The following HLF variants were observed in gnomAD, a reference collection of about 807,000 sequenced individuals.
The protein encoded by HLF is hepatic leukemia factor.
HLF carries 3 observed loss-of-function variants against 22.6 expected under a neutral mutation model. The observed-to-expected ratio is 0.13, with a 90% CI of 0.06 to 0.34. HLF has a LOEUF of 0.34. HLF is among the 10% of genes least tolerant of loss of function. The probability of loss-of-function intolerance (pLI) is 1.00; values close to 1 mark genes in which losing one functional copy is unlikely to be tolerated. For synonymous variants in HLF, 151 were observed against 151.8 expected (o/e 0.99, Z 0.04); for missense variants, 299 against 389.2 (o/e 0.77, Z 1.95).
chr17:55,297,042 G>A (rs2081117208), intron 2 of HLF, among the ~76,000 whole-genome samples: 1 of 152,150 alleles, frequency 6.6e-6, no homozygotes, highest in Non-Finnish European at 1.5e-5. Context: ...TGATGCCTGG[G>A]TCATGTCCTT....
Position 55,324,132 on chromosome 17 carries a change from A to C in HLF, c.*3253A>C, listed in dbSNP as rs2145385403. 4.4e-6 allele frequency: 1 copy of C among 226,162 alleles called. No individual in the cohort carries two copies. Among genetic ancestry groups the C allele is most frequent in the African/African-American group, 2.2e-5 (1 of 45,072 alleles). 14.0% of individuals were successfully genotyped at this position (226,162 alleles called of 1,614,324 possible). A position where few individuals can be genotyped will look rare whatever the true frequency, so the allele number is the denominator to read the frequency against. On this transcript the variant is annotated 3_prime_UTR_variant, in exon 4 of 4. Transcript: ENST00000226067. ...ATACCACATTAGGCAAGACTGTGAT[A>C]GGCCTTTTGTCTTCAAATACAACAG... is the stretch of plus-strand genomic sequence containing the variant.
At chr17:55,279,519 A>G (rs995867666) in intron 2 of HLF, among the ~76,000 whole-genome samples, 1 of 152,254 alleles carries the variant, frequency 6.6e-6, no homozygotes, top group African/African-American at 2.4e-5. Flanking sequence ...AGATCACTTG[A>G]GGCCAAGAGT....
At chr17:55,280,056 A>G (rs1655934891) in intron 2 of HLF, among the ~76,000 whole-genome samples, 1 of 152,206 alleles carries the variant, frequency 6.6e-6, no homozygotes, top group South Asian at 2.1e-4. Flanking sequence ...TGGAGAAGTA[A>G]ATGAGATGAT....
intron 2 of HLF, among the ~76,000 whole-genome samples, chr17:55,299,254 T>C (rs1391113003): frequency 6.6e-6 from 1 of 152,214 alleles, no homozygotes; most frequent in Non-Finnish European, 1.5e-5. Context: ...TAGCATACAC[T>C]TCCAGGCAAC....
intron 1 of HLF, 84 bp downstream of exon 1, chr17:55,265,683 C>G: frequency 8.9e-7 from 1 of 1,122,556 alleles, no homozygotes; most frequent in Non-Finnish European, 1.2e-6. Flanking sequence ...GCTGGAGCAT[C>G]CCCCAACCCC....
intron 1 of HLF, 55 bp from the exon 2 acceptor site, chr17:55,267,696 T>G: frequency 1.7e-6 from 2 of 1,211,842 alleles, no homozygotes; most frequent in Non-Finnish European, 2.3e-6. Flanking sequence ...AAAAGAGCGG[T>G]ATTGTTTTTC....
chr17:55,303,503 G>A (rs1055072431), intron 2 of HLF, among the ~76,000 whole-genome samples: 13 of 152,178 alleles, frequency 8.5e-5, no homozygotes, highest in Non-Finnish European at 1.5e-4. Flanking sequence ...AGGTGATAGG[G>A]CTCATTGTCC....
intron 2 of HLF, among the ~76,000 whole-genome samples, chr17:55,279,026 C>A (rs2080930451): frequency 6.6e-6 from 1 of 152,150 alleles, no homozygotes; most frequent in Non-Finnish European, 1.5e-5. Flanking sequence ...TCATAAAATT[C>A]ATTTCATTAT....
At chr17:55,271,279 T>G (rs1382659334) in intron 2 of HLF, among the ~76,000 whole-genome samples, 1 of 152,240 alleles carries the variant, frequency 6.6e-6, no homozygotes, top group Non-Finnish European at 1.5e-5. Context: ...ATTATACACT[T>G]TAGTTAATAA....
intron 2 of HLF, among the ~76,000 whole-genome samples, chr17:55,312,285 A>G (rs1313613440): frequency 6.6e-6 from 1 of 152,248 alleles, no homozygotes; most frequent in African/African-American, 2.4e-5. Flanking sequence ...TCCCACCAAC[A>G]GTATATGAAT....
intron 2 of HLF, among the ~76,000 whole-genome samples, chr17:55,307,185 G>C (rs1904618263): frequency 7.8e-6 from 1 of 128,140 alleles, no homozygotes; most frequent in South Asian, 2.7e-4. Flanking sequence ...ACGGAGTCTG[G>C]TTCTGTCACC....
At chr17:55,296,460 A>G (rs1385051072) in intron 2 of HLF, among the ~76,000 whole-genome samples, 3 of 152,126 alleles carry the variant, frequency 2.0e-5, no homozygotes, top group Non-Finnish European at 4.4e-5. Context: ...ATACATATAT[A>G]TGGGGGTGGG....
chr17:55,315,276 C>A lies in HLF; in HGVS notation c.501C>A (p.Asp167Glu), dbSNP rs1473490530. 3 of 1,614,076 alleles carry A rather than the reference C, an allele frequency of 1.9e-6. No homozygotes were observed. Among genetic ancestry groups the A allele is most frequent in the Non-Finnish European group, 2.5e-6 (3 of 1,180,016 alleles). Residue 167 changes from aspartate to glutamate, a missense_variant, in exon 3 of 4, where the codon GAC becomes GAA. Asp to Glu is a conservative substitution (Grantham distance 45, BLOSUM62 2). Transcript: ENST00000226067. ...ATACACCAAGTCCCATTGATCCTGA[C>A]ACCATCCAGGTCCCAGTGGGTTATG... ...NRNTPSPIDP[D>E]TIQVPVGYEP...
At chr17:55,286,825 C>G (rs1027659866) in intron 2 of HLF, among the ~76,000 whole-genome samples, 8 of 152,158 alleles carry the variant, frequency 5.3e-5, no homozygotes, top group Non-Finnish European at 1.2e-4. Flanking sequence ...CTTACAGAAA[C>G]TTTTCCAGCT....
At chr17:55,289,485 T>G (rs2081038949) in intron 2 of HLF, among the ~76,000 whole-genome samples, 1 of 152,226 alleles carries the variant, frequency 6.6e-6, no homozygotes, top group African/African-American at 2.4e-5. Context: ...CAGTTTAGTG[T>G]GCCTCAGTTT....
chr17:55,279,212 T>C (rs1457891683), intron 2 of HLF, among the ~76,000 whole-genome samples: 1 of 152,186 alleles, frequency 6.6e-6, no homozygotes, highest in East Asian at 1.9e-4. Context: ...TACCCAAACA[T>C]AGTAGGCCAG....
chr17:55,275,243 G>A (rs2080894955), intron 2 of HLF, among the ~76,000 whole-genome samples: 1 of 152,056 alleles, frequency 6.6e-6, no homozygotes, highest in East Asian at 1.9e-4. Flanking sequence ...CTACAGGCAT[G>A]CACCACCACA....
intron 2 of HLF, among the ~76,000 whole-genome samples, chr17:55,293,051 C>T (rs990547679): frequency 1.4e-4 from 22 of 151,980 alleles, no homozygotes; most frequent in South Asian, 4.2e-4. Flanking sequence ...AAAACACAGA[C>T]GAAATAAGTT....
At chr17:55,305,110 T>G (rs564069085) in intron 2 of HLF, among the ~76,000 whole-genome samples, 4 of 152,300 alleles carry the variant, frequency 2.6e-5, no homozygotes, top group Non-Finnish European at 5.9e-5. Flanking sequence ...GAAGCCAACT[T>G]CTTCTTCATG....
Sources: gnomAD v4.1 joint callset for allele counts (sites outside exome capture counted in the v4.1 genomes callset) on GRCh38, gnomAD v4.1.1 for gene constraint, MANE v1.5 for transcripts, NCBI Gene and HGNC (gene_info 2026-07-23, HGNC 2026-07-21) for gene names.